Variants in LPGAT1 observed in about 807,000 individuals in gnomAD.
LPGAT1 encodes the protein lysophosphatidylglycerol acyltransferase 1, also known as acyl-CoA:lysophosphatidylglycerol acyltransferase 1.
In LPGAT1, 11 loss-of-function variants were observed where a neutral mutation model predicts 47.5. The observed-to-expected ratio is 0.23, with a 90% CI of 0.15 to 0.38. The LOEUF (loss-of-function observed/expected upper bound fraction) is 0.38, where lower values mean the gene tolerates loss of function less well. LPGAT1 is among the 10% of genes least tolerant of loss of function. The pLI is 1.00. For synonymous variants in LPGAT1, 138 were observed against 144.2 expected (o/e 0.96, Z 0.31); for missense variants, 293 against 439.0 (o/e 0.67, Z 2.97).
At chr1:211,795,182 A>T (rs1659298439) in intron 2 of LPGAT1, among the ~76,000 whole-genome samples, 1 of 152,222 alleles carries the variant, frequency 6.6e-6, no homozygotes, top group East Asian at 1.9e-4. Flanking sequence ...GGTGAATTTT[A>T]TGTTAGCGTA....
intron 3 of LPGAT1, among the ~76,000 whole-genome samples, chr1:211,789,088 C>A (rs925638499): frequency 2.6e-5 from 4 of 152,086 alleles, no homozygotes; most frequent in African/African-American, 9.7e-5. Flanking sequence ...GAACTGATTC[C>A]TCAATCAATT....
Position 211,830,432 on chromosome 1 carries a change from G to A in LPGAT1, c.-28+141C>T. The A allele has an allele frequency of 8.5e-7, 1 of 1,174,908 alleles. No individual in the cohort carries two copies. The highest frequency in any genetic ancestry group is 1.1e-6 in the Non-Finnish European group (1 of 949,060). The allele number at this position is 1,174,908 out of a possible 1,614,324, so 72.8% of individuals were successfully genotyped here. On this transcript the variant is annotated intron_variant, in intron 1 of 7. Transcript: ENST00000366997. This position sits in a 1 kb window ranked among gnomAD's most constrained non-coding sequence, Gnocchi z 5.9. The stretch of plus-strand genomic sequence containing the variant: ...CCCGCGCCCCCGCCTCCTCCCCGGG[G>A]CCTACCGCGCCCTCGTCCCTCAGGC...
At chr1:211,821,430 G>T (rs942738013) in intron 2 of LPGAT1, among the ~76,000 whole-genome samples, 2 of 151,956 alleles carry the variant, frequency 1.3e-5, no homozygotes, top group Non-Finnish European at 2.9e-5. Context: ...TTTAACTAAA[G>T]AATTAAGACA....
chr1:211,783,706 T>G (rs960860104), intron 4 of LPGAT1, among the ~76,000 whole-genome samples: 4 of 152,198 alleles, frequency 2.6e-5, no homozygotes, highest in African/African-American at 7.2e-5. Flanking sequence ...TAAACCTTTC[T>G]TTCTGAAGGA....
Position 211,787,661 on chromosome 1 carries a change from G to T in LPGAT1, c.424C>A (p.Leu142Ile). The change falls in exon 4 of 8, where the codon CTA becomes ATA. Residue 142 changes from leucine to isoleucine, a missense_variant. By Grantham distance (5) the Leu-to-Ile change is conservative. Transcript: ENST00000366997. ...FKYTNFGIVS[L>I]VHGDFFIRQG... ...CTTATAAAGAAGTCTCCATGAACTA[G>T]AGAAACAATTCCAAAGTTTGTGTAC... 6.2e-7 allele frequency: 1 copy of T among 1,607,942 alleles called. No homozygotes were observed. The highest frequency in any genetic ancestry group is 1.1e-5 in the South Asian group (1 of 90,470).
At chr1:211,807,152 T>A (rs562600392) in intron 2 of LPGAT1, among the ~76,000 whole-genome samples, 137 of 152,284 alleles carry the variant, frequency 9.0e-4, no homozygotes, top group African/African-American at 3.0e-3. Context: ...TGAAATTTTT[T>A]AAAAATACTA....
intron 2 of LPGAT1, among the ~76,000 whole-genome samples, chr1:211,810,757 A>G (rs573777065): frequency 1.3e-5 from 2 of 152,326 alleles, no homozygotes; most frequent in African/African-American, 4.8e-5. Context: ...CTGAAATATG[A>G]AGGGAAGAGA....
chr1:211,789,868 T>TC (rs1348295000), intron 3 of LPGAT1, among the ~76,000 whole-genome samples: 4 of 9,554 alleles, frequency 4.2e-4, no homozygotes, highest in African/African-American at 1.7e-3. Context: ...AGACTCTGTC[T>TC]CAAAAAAAAA....
At chr1:211,757,183 G>A (rs1445534243) in intron 6 of LPGAT1, among the ~76,000 whole-genome samples, 1 of 151,568 alleles carries the variant, frequency 6.6e-6, no homozygotes, top group Non-Finnish European at 1.5e-5. Context: ...GAAACTGGAA[G>A]GCGGAGGTTG....
chr1:211,804,882 A>C (rs897252551), intron 2 of LPGAT1, among the ~76,000 whole-genome samples: 5 of 151,962 alleles, frequency 3.3e-5, no homozygotes, highest in Admixed American at 2.0e-4. Flanking sequence ...CAAATAAATC[A>C]AAAGTATAAA....
At chr1:211,783,802 A>G (rs957228512) in intron 4 of LPGAT1, among the ~76,000 whole-genome samples, 1 of 152,236 alleles carries the variant, frequency 6.6e-6, no homozygotes, top group Non-Finnish European at 1.5e-5. Flanking sequence ...TGTGCCACGC[A>G]TTGTCCTAGG....
At chr1:211,812,909 G>T (rs945416652) in intron 2 of LPGAT1, among the ~76,000 whole-genome samples, 2 of 152,156 alleles carry the variant, frequency 1.3e-5, no homozygotes, top group African/African-American at 4.8e-5. Context: ...AACAGTGAGA[G>T]AATAAGTTTA....
In LPGAT1 at chr1:211,830,444, C is replaced by G; in HGVS notation, c.-28+129G>C. The G allele has an allele frequency of 8.5e-7, 1 of 1,179,098 alleles. No homozygotes were observed. The highest frequency in any genetic ancestry group is 1.1e-6 in the Non-Finnish European group (1 of 951,962). 73.0% of individuals were successfully genotyped at this position (1,179,098 alleles called of 1,614,324 possible). A position where few individuals can be genotyped will look rare whatever the true frequency, so the allele number is the denominator to read the frequency against. On this transcript the variant is annotated intron_variant, in intron 1 of 7. Coordinates refer to ENST00000366997, the MANE Select transcript of LPGAT1 (RefSeq NM_014873.3). The surrounding 1 kb of genome is among the most constrained non-coding windows in gnomAD (Gnocchi z 5.9). ...CCTCCTCCCCGGGGCCTACCGCGCC[C>G]TCGTCCCTCAGGCCGCTGCCGCCTC...
intron 2 of LPGAT1, among the ~76,000 whole-genome samples, chr1:211,827,584 T>C (rs145581758): frequency 1.7e-4 from 26 of 152,304 alleles, no homozygotes; most frequent in Non-Finnish European, 3.2e-4. Flanking sequence ...AACTTAAGTA[T>C]ACTATACAAG....
At chr1:211,753,747 T>C (rs1225019184) in intron 6 of LPGAT1, among the ~76,000 whole-genome samples, 1 of 152,200 alleles carries the variant, frequency 6.6e-6, no homozygotes, top group African/African-American at 2.4e-5. Flanking sequence ...TGTGTTTGCT[T>C]TAGTCTTTAT....
At position 211,745,471 on chromosome 1, in the gene LPGAT1, C is replaced by A. The variant is rs537719024; in HGVS notation, c.*4428G>T. On this transcript the variant is annotated 3_prime_UTR_variant, in exon 8 of 8. Coordinates refer to ENST00000366997, the MANE Select transcript of LPGAT1 (RefSeq NM_014873.3). ...CAGTCATGTGTTCAACAGTTTTACA[C>A]AATAAAAATAAAGCCATTCAAGATA... is the stretch of plus-strand genomic sequence containing the variant. 6.6e-6 allele frequency: 1 copy of A among 152,132 alleles called. No individual in the cohort carries two copies. Among genetic ancestry groups the A allele is most frequent in the South Asian group, 2.1e-4 (1 of 4,824 alleles). 9.4% of individuals were successfully genotyped at this position (152,132 alleles called of 1,614,324 possible).
In LPGAT1 at chr1:211,772,920, C is replaced by G. The variant is rs146514113; in HGVS notation, c.854+5998G>C. On this transcript the variant is annotated intron_variant, in intron 6 of 7. Transcript: ENST00000366997. ...CAAAATGATATATTAATCAAAAATA[C>G]ATACAGGTTTAGGCATAAGATTATG... Among the ~76,000 whole-genome samples the G allele has an allele frequency of 2.4e-3, 372 of 152,274 alleles. 3 individuals are homozygous for G. Among genetic ancestry groups the G allele is most frequent in the African/African-American group, 8.3e-3 (345 of 41,558 alleles).
intron 6 of LPGAT1, among the ~76,000 whole-genome samples, chr1:211,766,923 A>G (rs1188055042): frequency 6.6e-6 from 1 of 152,228 alleles, no homozygotes; most frequent in Non-Finnish European, 1.5e-5. Flanking sequence ...TTATGGTAAC[A>G]TAAAAAATTT....
At chr1:211,751,797 TA>T (rs1657197396) in intron 6 of LPGAT1, among the ~76,000 whole-genome samples, 1 of 152,186 alleles carries the variant, frequency 6.6e-6, no homozygotes, top group African/African-American at 2.4e-5. Flanking sequence ...GCACATGGTT[TA>T]AAAAGTCAGC....
Sources: allele counts gnomAD v4.1 joint callset (sites outside exome capture counted in the v4.1 genomes callset), GRCh38; gene constraint gnomAD v4.1.1; non-coding constraint Gnocchi (gnomAD v3.1); transcripts MANE v1.5; gene names NCBI Gene and HGNC (gene_info 2026-07-23, HGNC 2026-07-21).